The following PTPRD variants were observed in gnomAD, a reference collection of about 807,000 sequenced individuals.
PTPRD encodes protein tyrosine phosphatase receptor type D.
PTPRD carries 34 observed loss-of-function variants against 214.5 expected under a neutral mutation model. The ratio of observed to expected loss-of-function variants is 0.16; its 90% CI spans 0.12 to 0.21. PTPRD has a LOEUF of 0.21. PTPRD is among the 10% of genes least tolerant of loss of function. PTPRD has a pLI of 1.00. For missense variants in PTPRD, 2,545 were observed against 2,398.7 expected (o/e 1.06, Z -1.27); for synonymous variants, 1,128 against 845.7 (o/e 1.33, Z -5.79).
At chr9:10,140,099 T>A (rs1025558873) in intron 3 of PTPRD, among the ~76,000 whole-genome samples, 21 of 151,970 alleles carry the variant, frequency 1.4e-4, no homozygotes, top group African/African-American at 4.1e-4. Flanking sequence ...GTGAAGAAGC[T>A]CTGACAATCT....
chr9:9,091,115 A>G, intron 10 of PTPRD: 1 of 1,438,980 alleles, frequency 6.9e-7, no homozygotes, highest in Non-Finnish European at 9.7e-7. Context: ...AAGCTACATT[A>G]CTGTGTGAGT....
chr9:10,060,897 C>CTTCCTTCCTTCT (rs1555531626), intron 3 of PTPRD, among the ~76,000 whole-genome samples: 39 of 70,574 alleles, frequency 5.5e-4, no homozygotes, highest in South Asian at 2.9e-3. Flanking sequence ...TCCTTCCTTC[C>CTTCCTTCCTTCT]TTCTTTCTTT....
chr9:8,756,515 G>A (rs981986284), intron 11 of PTPRD, among the ~76,000 whole-genome samples: 3 of 152,168 alleles, frequency 2.0e-5, no homozygotes, highest in Admixed American at 6.5e-5. Context: ...TGGTATCCAT[G>A]TTAAAGCTGT....
In PTPRD at chr9:9,120,879, C is replaced by T. The variant is rs1238099571; in HGVS notation, c.-143+62425G>A. On this transcript the variant is annotated intron_variant, in intron 10 of 45. Coordinates refer to ENST00000381196, the MANE Select transcript of PTPRD (RefSeq NM_002839.4). Reference sequence around the variant, plus strand: ...GTTGGTATCACTGTTAGAAACTCTTCCTTGCTTGAATCTAAAATGCAACTA... The same window carrying T: ...GTTGGTATCACTGTTAGAAACTCTTTCTTGCTTGAATCTAAAATGCAACTA... Among the ~76,000 whole-genome samples the T allele has an allele frequency of 2.0e-5, 3 of 152,178 alleles. No individual in the cohort carries two copies. The East Asian group carries it at 5.8e-4, about 29-fold the overall frequency.
chr9:10,231,274 C>T (rs1229678383), intron 3 of PTPRD, among the ~76,000 whole-genome samples: 1 of 149,624 alleles, frequency 6.7e-6, no homozygotes, highest in African/African-American at 2.5e-5. Context: ...GGCAAAGAAA[C>T]AAAACTGATA....
At chr9:8,322,726 T>C (rs1366263973) in intron 44 of PTPRD, among the ~76,000 whole-genome samples, 3 of 152,132 alleles carry the variant, frequency 2.0e-5, no homozygotes, top group Non-Finnish European at 4.4e-5. Flanking sequence ...TTGATGAAGG[T>C]GGCTACATTA....
intron 4 of PTPRD, among the ~76,000 whole-genome samples, chr9:10,008,330 A>T (rs1476372605): frequency 6.6e-6 from 1 of 151,862 alleles, no homozygotes; most frequent in Admixed American, 6.6e-5. Flanking sequence ...TGTGTTTTCA[A>T]CCACATTCAA....
chr9:9,605,266 T>TC, intron 7 of PTPRD, among the ~76,000 whole-genome samples: 1 of 152,166 alleles, frequency 6.6e-6, no homozygotes, highest in South Asian at 2.1e-4. Context: ...CTAATATGTA[T>TC]AAAGCACTCT....
intron 8 of PTPRD, among the ~76,000 whole-genome samples, chr9:9,515,165 G>C (rs77204213): frequency 0.012 from 1,862 of 152,168 alleles, 37 homozygotes; most frequent in African/African-American, 0.042. Flanking sequence ...CCGTGGTGGA[G>C]GTGCTGGTAT....
intron 2 of PTPRD, among the ~76,000 whole-genome samples, chr9:10,351,066 G>C (rs2097173985): frequency 6.6e-6 from 1 of 152,028 alleles, no homozygotes; most frequent in African/African-American, 2.4e-5. Flanking sequence ...GGTTCACTAG[G>C]AAGATACCAA....
chr9:10,474,138 T>C (rs147866472), intron 2 of PTPRD, among the ~76,000 whole-genome samples: 14,076 of 152,026 alleles, frequency 0.093, 893 homozygotes, highest in East Asian at 0.32. Context: ...CATAACAATA[T>C]GAACCTTAAA....
In PTPRD at chr9:9,486,150, CAAAAAAAAAAAAA is replaced by C. The variant is rs71319226; in HGVS notation, c.-237+88569_-237+88581del. ...TGGGCAACAGAGCAAGACTCTCTCT[CAAAAAAAAAAAAA>C]AAAAAAAAAAAAAAAAAAAAAAGCC... On this transcript the variant is annotated intron_variant, in intron 8 of 45. Coordinates refer to ENST00000381196, the MANE Select transcript of PTPRD (RefSeq NM_002839.4). Among the ~76,000 whole-genome samples the C allele has an allele frequency of 1.1e-3, 33 of 30,166 alleles. No individual in the cohort carries two copies. In the South Asian group the frequency reaches 0.013, roughly 12 times the overall value. 19.8% of individuals were successfully genotyped at this position (30,166 alleles called of 152,430 possible).
chr9:9,828,111 C>G (rs2053587200), intron 5 of PTPRD, among the ~76,000 whole-genome samples: 1 of 152,100 alleles, frequency 6.6e-6, no homozygotes, highest in Admixed American at 6.6e-5. Context: ...CCTCAGGGAT[C>G]TAGAACTAGA....
At chr9:9,767,023 G>C (rs2098712247) in intron 5 of PTPRD, among the ~76,000 whole-genome samples, 172 bp from the exon 6 acceptor site, 1 of 149,454 alleles carries the variant, frequency 6.7e-6, no homozygotes, top group African/African-American at 2.5e-5. Context: ...TTTAATTAAA[G>C]CACATTAAGA....
intron 39 of PTPRD, among the ~76,000 whole-genome samples, chr9:8,342,741 CTGCT>C (rs1199390160): frequency 6.6e-6 from 1 of 152,052 alleles, no homozygotes; most frequent in Non-Finnish European, 1.5e-5. Context: ...ATGAAGTACT[CTGCT>C]AAGTGAAATA....
chr9:10,166,020 A>G (rs1306112258), intron 3 of PTPRD, among the ~76,000 whole-genome samples: 1 of 149,726 alleles, frequency 6.7e-6, no homozygotes, highest in Admixed American at 6.7e-5. Context: ...TATATAATAC[A>G]TATCATATAT....
intron 9 of PTPRD, among the ~76,000 whole-genome samples, chr9:9,347,998 C>A (rs963759809): frequency 3.3e-5 from 5 of 152,068 alleles, no homozygotes; most frequent in Non-Finnish European, 7.4e-5. Context: ...GAGTATGTCA[C>A]CAAATTTTAG....
intron 2 of PTPRD, among the ~76,000 whole-genome samples, chr9:10,482,540 A>G (rs1029269397): frequency 6.6e-6 from 1 of 151,918 alleles, no homozygotes; most frequent in Non-Finnish European, 1.5e-5. Flanking sequence ...ACCCCTCCAA[A>G]AGATTATGAT....
chr9:8,360,284 G>C (rs540999060), intron 39 of PTPRD, among the ~76,000 whole-genome samples: 1 of 152,300 alleles, frequency 6.6e-6, no homozygotes, highest in East Asian at 1.9e-4. Context: ...GGATTCTAAA[G>C]TTGCTTAACT....
Sources: allele counts gnomAD v4.1 joint callset (sites outside exome capture counted in the v4.1 genomes callset), GRCh38; gene constraint gnomAD v4.1.1; transcripts MANE v1.5; gene names NCBI Gene and HGNC (gene_info 2026-07-23, HGNC 2026-07-21).